The following ERP29 variants were observed in gnomAD, a reference collection of about 807,000 sequenced individuals.
ERP29 encodes endoplasmic reticulum resident protein 29.
In ERP29, 14 loss-of-function variants were observed where a neutral mutation model predicts 21.7. The ratio of observed to expected loss-of-function variants is 0.64; its 90% CI spans 0.43 to 1.01. ERP29 has a LOEUF of 1.01. Ranked by LOEUF, ERP29 falls within the 50% of genes least tolerant of loss-of-function variation. The probability of loss-of-function intolerance (pLI) is 0.00; values close to 1 mark genes in which losing one functional copy is unlikely to be tolerated. For synonymous variants in ERP29, 129 were observed against 139.1 expected (o/e 0.93, Z 0.51); for missense variants, 286 against 327.3 (o/e 0.87, Z 0.97).
At chr12:112,020,271 G>T (rs1188046602) in intron 2 of ERP29, among the ~76,000 whole-genome samples, 1 of 152,138 alleles carries the variant, frequency 6.6e-6, no homozygotes, top group Admixed American at 6.5e-5. Context: ...TTCAGTTTAT[G>T]TACCAAAACT....
Position 112,013,554 on chromosome 12 carries a change from G to T in ERP29, c.89G>T (p.Gly30Val). The T allele has an allele frequency of 6.2e-7, 1 of 1,612,186 alleles. No homozygotes were observed. Among genetic ancestry groups the T allele is most frequent in the Non-Finnish European group, 8.5e-7 (1 of 1,179,246 alleles). Residue 30 changes from glycine (G) to valine (V), a missense_variant, in exon 1 of 3, where the codon GGC (glycine) becomes GTC (valine). By Grantham distance (109) the Gly-to-Val change is moderately radical. Transcript: ENST00000261735. ...CTGCTCCTCTCCGCTCCGCATGGCG[G>T]CAGCGGCCTGCACACCAAGGGCGCC... ...GFLLLSAPHG[G>V]SGLHTKGALP...
chr12:112,016,267 G>T (rs565402767), intron 1 of ERP29, among the ~76,000 whole-genome samples: 2 of 152,150 alleles, frequency 1.3e-5, no homozygotes, highest in Non-Finnish European at 2.9e-5. Context: ...CTTCCATCAC[G>T]ACTGAACCAA....
At chr12:112,018,570 T>G (rs544474417) in intron 1 of ERP29, among the ~76,000 whole-genome samples, 4 of 152,348 alleles carry the variant, frequency 2.6e-5, no homozygotes, top group Admixed American at 6.5e-5. Flanking sequence ...ATAAAACTTG[T>G]GCATTGGGAG....
intron 2 of ERP29, 31 bp from the exon 3 acceptor site, chr12:112,022,118 TC>T (rs1178635756): frequency 6.2e-7 from 1 of 1,610,632 alleles, no homozygotes; most frequent in Non-Finnish European, 8.5e-7. Flanking sequence ...TTCCTTATGG[TC>T]TTGCTTTTTG....
chr12:112,013,661 A>T, intron 1 of ERP29, 52 bp downstream of exon 1: 1 of 1,489,170 alleles, frequency 6.7e-7, no homozygotes, highest in South Asian at 1.3e-5. Flanking sequence ...CGCCCGGAAG[A>T]GCGCGCGCCC....
intron 1 of ERP29, 144 bp downstream of exon 1, chr12:112,013,753 T>C (rs975946117): frequency 1.2e-6 from 1 of 867,126 alleles, no homozygotes; most frequent in Admixed American, 3.2e-5. Context: ...CCTACAGGCC[T>C]AGTGGACTCT....
At chr12:112,020,468 T>A (rs1183216090) in intron 2 of ERP29, among the ~76,000 whole-genome samples, 2 of 152,140 alleles carry the variant, frequency 1.3e-5, no homozygotes, top group Non-Finnish European at 2.9e-5. Context: ...ATCTCCATGT[T>A]ATACTTCAGG....
intron 2 of ERP29, among the ~76,000 whole-genome samples, chr12:112,021,330 CCAGGA>C (rs2078043886): frequency 6.6e-6 from 1 of 152,146 alleles, no homozygotes; most frequent in East Asian, 1.9e-4. Flanking sequence ...GTAGCTTGCT[CCAGGA>C]CATTCAGGTC....
chr12:112,022,908 AGAG>A lies in ERP29; in HGVS notation c.*260_*262del. 2.1e-6 allele frequency: 1 copy of A among 474,914 alleles called. No individual in the cohort carries two copies. The highest frequency in any genetic ancestry group is 3.8e-6 in the Non-Finnish European group (1 of 265,884). The allele number at this position is 474,914 out of a possible 1,614,324, so 29.4% of individuals were successfully genotyped here. ...ACCTCAGAAGGAATGAGTGCTATAG[AGAG>A]GAGAGAGGAGTGTACTGCCCAGGTC... On this transcript the variant is annotated 3_prime_UTR_variant, in exon 3 of 3. Coordinates refer to ENST00000261735, the MANE Select transcript of ERP29 (RefSeq NM_006817.4).
At chr12:112,013,984 G>A (rs2077971037) in intron 1 of ERP29, among the ~76,000 whole-genome samples, 2 of 152,240 alleles carry the variant, frequency 1.3e-5, no homozygotes, top group Non-Finnish European at 2.9e-5. Context: ...ACGCCACCGG[G>A]CTCCCGGCTG....
Position 112,020,577 on chromosome 12 carries a change from T to G in ERP29, c.283+683T>G, listed in dbSNP as rs149864607. Among the ~76,000 whole-genome samples the G allele has an allele frequency of 6.1e-3, 934 of 152,238 alleles. 34 individuals are homozygous for G. The highest frequency in any genetic ancestry group is 1.2e-3 in the Non-Finnish European group (85 of 68,016). On this transcript the variant is annotated intron_variant, in intron 2 of 2. Coordinates refer to ENST00000261735, the MANE Select transcript of ERP29 (RefSeq NM_006817.4). The stretch of plus-strand genomic sequence containing the variant: ...GTTTAGTCCCAGGCAGGGGCTTACT[T>G]ATTTCACTTCCCTCCCAGCTTGGAT...
chr12:112,013,603 C>T lies in ERP29; in HGVS notation c.138C>T (p.Phe46=). The change falls in exon 1 of 3, where the codon TTC becomes TTT. Residue 46 remains phenylalanine (F), a synonymous_variant. Coordinates refer to ENST00000261735, the MANE Select transcript of ERP29 (RefSeq NM_006817.4). ...CCCTTCCCCTGGATACGGTCACTTTCTACAAGGTAACCGGGGCGGGGGACG... is the reference window on the plus strand; with the variant it reads ...CCCTTCCCCTGGATACGGTCACTTTTTACAAGGTAACCGGGGCGGGGGACG... The part of the protein sequence containing the change: ...KGALPLDTVT[F]YKVIPKSKFV... The T allele has an allele frequency of 6.3e-7, 1 of 1,587,956 alleles. No individual in the cohort carries two copies. The highest frequency in any genetic ancestry group is 8.6e-7 in the Non-Finnish European group (1 of 1,168,416).
At chr12:112,016,317 A>C (rs1003810005) in intron 1 of ERP29, among the ~76,000 whole-genome samples, 1 of 152,198 alleles carries the variant, frequency 6.6e-6, no homozygotes, top group African/African-American at 2.4e-5. Flanking sequence ...GCCTTGTTCC[A>C]TGCTTTGCCT....
At position 112,019,776 on chromosome 12, in the gene ERP29, C is replaced by T. The variant is rs753084104; in HGVS notation, c.165C>T (p.Phe55=). The change falls in exon 2 of 3, where the codon TTC becomes TTT. Residue 55 remains phenylalanine (F), a synonymous_variant. Coordinates refer to ENST00000261735, the MANE Select transcript of ERP29 (RefSeq NM_006817.4). ...TFYKVIPKSK[F]VLVKFDTQYP... The stretch of plus-strand genomic sequence containing the variant: ...CTCAGGTCATTCCCAAAAGCAAGTT[C>T]GTCTTGGTGAAGTTCGACACCCAGT... 19 of 1,613,930 alleles carry T rather than the reference C, an allele frequency of 1.2e-5. No homozygotes were observed. Among genetic ancestry groups the T allele is most frequent in the Middle Eastern group, 1.6e-4 (1 of 6,084 alleles).
At position 112,022,353 on chromosome 12, in the gene ERP29, G is replaced by A. The variant is rs752987002; in HGVS notation, c.487G>A (p.Ala163Thr). The stretch of plus-strand genomic sequence containing the variant: ...GCCTGGTTGCCTGCCTGTATACGAC[G>A]CCCTGGCCGGGGAGTTCATCAGGGC... ...GMPGCLPVYD[A>T]LAGEFIRASG... The change falls in exon 3 of 3, where the codon GCC (alanine) becomes ACC (threonine). Residue 163 changes from alanine (A) to threonine (T), a missense_variant. By Grantham distance (58) the Ala-to-Thr change is moderately conservative. Coordinates refer to ENST00000261735, the MANE Select transcript of ERP29 (RefSeq NM_006817.4). 5.3e-5 allele frequency: 86 copies of A among 1,614,152 alleles called. No individual in the cohort carries two copies. Among genetic ancestry groups the A allele is most frequent in the Non-Finnish European group, 6.7e-5 (79 of 1,180,000 alleles).
chr12:112,016,154 G>A (rs1029252471), intron 1 of ERP29, among the ~76,000 whole-genome samples: 3 of 152,136 alleles, frequency 2.0e-5, no homozygotes, highest in Non-Finnish European at 4.4e-5. Context: ...GTTCCTGATC[G>A]TCTGCGCTGC....
At chr12:112,017,867 C>T (rs2078021871) in intron 1 of ERP29, among the ~76,000 whole-genome samples, 1 of 150,394 alleles carries the variant, frequency 6.6e-6, no homozygotes, top group South Asian at 2.1e-4. Context: ...TCACCGCAAC[C>T]TCCGCCTCCC....
intron 2 of ERP29, among the ~76,000 whole-genome samples, chr12:112,020,686 A>T (rs2078040107): frequency 6.6e-6 from 1 of 152,216 alleles, no homozygotes. Context: ...CAGGACAGTC[A>T]GTCAGATTTG....
At chr12:112,017,259 G>A (rs2136777436) in intron 1 of ERP29, among the ~76,000 whole-genome samples, 1 of 152,268 alleles carries the variant, frequency 6.6e-6, no homozygotes, top group African/African-American at 2.4e-5. Flanking sequence ...GTCAGACAAG[G>A]TCCTTATTCT....
Sources: gnomAD v4.1 joint callset for allele counts (sites outside exome capture counted in the v4.1 genomes callset) on GRCh38, gnomAD v4.1.1 for gene constraint, MANE v1.5 for transcripts, NCBI Gene and HGNC (gene_info 2026-07-23, HGNC 2026-07-21) for gene names.